The following CACNA2D3 variants were observed in gnomAD, a reference collection of about 807,000 sequenced individuals.
The protein encoded by CACNA2D3 is voltage-dependent calcium channel subunit alpha-2/delta-3.
CACNA2D3 carries 60 observed loss-of-function variants against 160.6 expected under a neutral mutation model. The observed-to-expected ratio is 0.37, with a 90% CI of 0.30 to 0.46. The LOEUF (loss-of-function observed/expected upper bound fraction) is 0.46, where lower values mean the gene tolerates loss of function less well. Among genes scored for constraint, CACNA2D3 ranks in the 20% least tolerant of loss-of-function variants. The probability of loss-of-function intolerance (pLI) is 1.00; values close to 1 mark genes in which losing one functional copy is unlikely to be tolerated. For synonymous variants in CACNA2D3, 558 were observed against 492.9 expected, an observed-to-expected ratio of 1.13 and a Z score of -1.75; for missense variants, 1,205 against 1,365.0, an observed-to-expected ratio of 0.88 and a Z score of 1.85.
intron 34 of CACNA2D3, among the ~76,000 whole-genome samples, chr3:55,016,959 GGCTT>G (rs1213348788): frequency 2.0e-5 from 3 of 152,142 alleles, no homozygotes; most frequent in African/African-American, 7.2e-5. Context: ...TAGCACTGAT[GGCTT>G]GCTTAGTGAC....
At chr3:54,428,050 A>G (rs190608513) in intron 4 of CACNA2D3, among the ~76,000 whole-genome samples, 1 of 152,342 alleles carries the variant, frequency 6.6e-6, no homozygotes, top group East Asian at 1.9e-4. Context: ...ATGTCAAGTC[A>G]TTTTGAAAAA....
At chr3:54,464,766 G>A (rs900933053) in intron 4 of CACNA2D3, among the ~76,000 whole-genome samples, 16 of 152,272 alleles carry the variant, frequency 1.1e-4, no homozygotes, top group South Asian at 2.1e-4. Context: ...GCTAGCGCAC[G>A]GTGCGCTGCA....
intron 11 of CACNA2D3, among the ~76,000 whole-genome samples, chr3:54,706,663 T>C (rs1700862374): frequency 6.6e-6 from 1 of 152,180 alleles, no homozygotes; most frequent in African/African-American, 2.4e-5. Flanking sequence ...AATGATCTTG[T>C]AACTGGTTGC....
chr3:54,517,051 T>C (rs7433036), intron 5 of CACNA2D3, among the ~76,000 whole-genome samples: 146,148 of 152,240 alleles, frequency 0.96, 70,440 homozygotes, highest in East Asian at 1. Flanking sequence ...AACCACTTTA[T>C]AGTAGTCCCT....
At chr3:54,197,298 G>A (rs529871466) in intron 2 of CACNA2D3, 4 of 152,314 alleles carry the variant, frequency 2.6e-5, no homozygotes, top group South Asian at 4.1e-4. Flanking sequence ...GGCCTGAGAA[G>A]GGCCTTGGAG....
intron 8 of CACNA2D3, among the ~76,000 whole-genome samples, chr3:54,574,807 C>T (rs1045533329): frequency 6.6e-6 from 1 of 152,186 alleles, no homozygotes; most frequent in Non-Finnish European, 1.5e-5. Context: ...TTAACCGGGC[C>T]AATATTGTTA....
intron 14 of CACNA2D3, among the ~76,000 whole-genome samples, chr3:54,819,101 C>A (rs1259425686): frequency 6.6e-6 from 1 of 151,850 alleles, no homozygotes; most frequent in Non-Finnish European, 1.5e-5. Flanking sequence ...TGCAAGAGGC[C>A]TTTGCCAGAA....
At position 54,847,871 on chromosome 3, in the gene CACNA2D3, G is replaced by A. The variant is rs540483776; in HGVS notation, c.1626+1404G>A. ...GAAGTAAGAGAAGTTACAAGTTTGC[G>A]TGACAGAGTTTGGACTCCTAGTGTG... is the stretch of plus-strand genomic sequence containing the variant. On this transcript the variant is annotated intron_variant, in intron 17 of 37. Coordinates refer to ENST00000474759, the MANE Select transcript of CACNA2D3 (RefSeq NM_018398.3). 9.4e-5 allele frequency among the ~76,000 whole-genome samples: 14 copies of A among 148,548 alleles called. No homozygotes were observed. In the East Asian group the frequency reaches 1.0e-3, roughly 11 times the overall value.
intron 2 of CACNA2D3, among the ~76,000 whole-genome samples, chr3:54,226,793 T>G (rs1033573366): frequency 1.3e-5 from 2 of 152,232 alleles, no homozygotes; most frequent in African/African-American, 4.8e-5. Context: ...TGTAGAATGT[T>G]GAGTTCACCT....
chr3:54,917,686 T>G (rs564534451), intron 27 of CACNA2D3, among the ~76,000 whole-genome samples: 1 of 152,366 alleles, frequency 6.6e-6, no homozygotes, highest in South Asian at 2.1e-4. Flanking sequence ...AATCCCTTGG[T>G]GGATATGGCC....
intron 9 of CACNA2D3, among the ~76,000 whole-genome samples, chr3:54,605,612 C>G (rs1698589886): frequency 6.6e-6 from 1 of 152,146 alleles, no homozygotes; most frequent in Admixed American, 6.5e-5. Flanking sequence ...GCTATTTTAC[C>G]TTAAATATCT....
At chr3:54,471,028 A>G (rs935124153) in intron 4 of CACNA2D3, among the ~76,000 whole-genome samples, 10 of 152,200 alleles carry the variant, frequency 6.6e-5, no homozygotes, top group African/African-American at 2.2e-4. Flanking sequence ...AAGGATATTC[A>G]GGACTTGAAC....
intron 9 of CACNA2D3, among the ~76,000 whole-genome samples, chr3:54,586,326 A>T (rs1575362347): frequency 6.6e-6 from 1 of 152,110 alleles, no homozygotes; most frequent in African/African-American, 2.4e-5. Context: ...AAGTAAAAAA[A>T]TCAGAAAAAT....
intron 5 of CACNA2D3, among the ~76,000 whole-genome samples, chr3:54,540,249 G>C (rs1701950903): frequency 6.6e-6 from 1 of 152,166 alleles, no homozygotes; most frequent in African/African-American, 2.4e-5. Flanking sequence ...CTCAAACCCA[G>C]ATGCCTCCCT....
intron 2 of CACNA2D3, among the ~76,000 whole-genome samples, chr3:54,192,585 GTC>G (rs1701002923): frequency 6.6e-6 from 1 of 152,160 alleles, no homozygotes; most frequent in Non-Finnish European, 1.5e-5. Context: ...TCTTCTCTGA[GTC>G]TGTTTTTTTC....
At chr3:54,830,902 T>G (rs1426925979) in intron 14 of CACNA2D3, among the ~76,000 whole-genome samples, 1 of 152,094 alleles carries the variant, frequency 6.6e-6, no homozygotes, top group African/African-American at 2.4e-5. Flanking sequence ...AGAGTGCAGG[T>G]TGAAGTTCCT....
intron 34 of CACNA2D3, among the ~76,000 whole-genome samples, chr3:55,017,434 CTAT>C (rs555479822): frequency 1.5e-3 from 223 of 152,184 alleles, no homozygotes; most frequent in African/African-American, 5.0e-3. Flanking sequence ...GTTGTTGTTG[CTAT>C]TATTATTATC....
chr3:54,400,273 G>T (rs543897080), intron 4 of CACNA2D3, among the ~76,000 whole-genome samples: 1 of 151,624 alleles, frequency 6.6e-6, no homozygotes, highest in Admixed American at 6.6e-5. Context: ...TGTCGCTCAC[G>T]CTGGGAGCTG....
chr3:54,314,449 A>G (rs1354175473), intron 2 of CACNA2D3, among the ~76,000 whole-genome samples: 1 of 152,184 alleles, frequency 6.6e-6, no homozygotes, highest in African/African-American at 2.4e-5. Flanking sequence ...ATCAAATGGT[A>G]GTTCCACTTT....
Sources: allele counts gnomAD v4.1 joint callset (sites outside exome capture counted in the v4.1 genomes callset), GRCh38; gene constraint gnomAD v4.1.1; transcripts MANE v1.5; gene names NCBI Gene and HGNC (gene_info 2026-07-23, HGNC 2026-07-21).